The following EPHB2 variants were observed in gnomAD, a reference collection of about 807,000 sequenced individuals.
EPHB2 encodes the protein EPH receptor B2.
A neutral mutation model predicts 96.4 loss-of-function variants in EPHB2; 18 were observed. The ratio of observed to expected loss-of-function variants is 0.19; its 90% CI spans 0.13 to 0.28. EPHB2 has a LOEUF of 0.28. Ranked by LOEUF, EPHB2 falls within the 10% of genes least tolerant of loss-of-function variation. EPHB2 has a pLI of 1.00. For missense variants in EPHB2, 989 were observed against 1,355.4 expected (o/e 0.73, Z 4.25); for synonymous variants, 506 against 534.1 (o/e 0.95, Z 0.72).
chr1:22,727,823 A>G (rs2148347827), intron 1 of EPHB2, among the ~76,000 whole-genome samples: 1 of 144,168 alleles, frequency 6.9e-6, no homozygotes, highest in African/African-American at 2.6e-5. Context: ...TTTTTTTTTA[A>G]TGGAGATGGG....
chr1:22,828,400 C>T (rs1462826269), intron 3 of EPHB2, among the ~76,000 whole-genome samples: 4 of 152,180 alleles, frequency 2.6e-5, no homozygotes, highest in Admixed American at 6.5e-5. Context: ...CCAGCCGTGC[C>T]CACCCCACCT....
At chr1:22,832,379 A>G (rs930202356) in intron 3 of EPHB2, among the ~76,000 whole-genome samples, 6 of 152,062 alleles carry the variant, frequency 3.9e-5, no homozygotes, top group Admixed American at 3.3e-4. Flanking sequence ...TAATTTTACA[A>G]TCTTGACCCC....
intron 9 of EPHB2, among the ~76,000 whole-genome samples, chr1:22,902,695 G>T (rs115245415): frequency 1.3e-3 from 198 of 152,330 alleles, no homozygotes; most frequent in African/African-American, 3.9e-3. Flanking sequence ...GTCTTCCTGG[G>T]GAAAAGGGTA....
intron 5 of EPHB2, among the ~76,000 whole-genome samples, chr1:22,869,500 GTCCTGGAAGGCT>G (rs1291128612): frequency 3.9e-5 from 6 of 152,072 alleles, no homozygotes; most frequent in African/African-American, 1.4e-4. Context: ...CAAAGGGTAT[GTCCTGGAAGGCT>G]TCCTGGAAGA....
intron 3 of EPHB2, among the ~76,000 whole-genome samples, chr1:22,828,439 G>T (rs1400584270): frequency 1.3e-5 from 2 of 152,190 alleles, no homozygotes; most frequent in African/African-American, 4.8e-5. Flanking sequence ...TTCTACATCT[G>T]CACGGATGAG....
chr1:22,911,342 C>G (rs894471473), intron 14 of EPHB2, among the ~76,000 whole-genome samples: 12 of 152,172 alleles, frequency 7.9e-5, no homozygotes, highest in Middle Eastern at 6.8e-3. Flanking sequence ...CAGATGAACA[C>G]ACAATTAGGC....
At chr1:22,837,321 G>A (rs548565074) in intron 3 of EPHB2, among the ~76,000 whole-genome samples, 1 of 152,258 alleles carries the variant, frequency 6.6e-6, no homozygotes. Flanking sequence ...AGACTTACTA[G>A]TATGACTCCC....
chr1:22,736,520 G>A (rs777415405), intron 1 of EPHB2, among the ~76,000 whole-genome samples: 14 of 152,228 alleles, frequency 9.2e-5, no homozygotes, highest in Non-Finnish European at 1.6e-4. Flanking sequence ...GCCAAAGCAT[G>A]GTTCCCTGGG....
rs138282909 is a variant in EPHB2, at chr1:22,713,971, C to T, written c.61+2928C>T. ...GCAGGATGGAAGAGCACTGGGGAAA[C>T]GTCCAACAGGACAGGAGGCCGGTGG... On this transcript the variant is annotated intron_variant, in intron 1 of 15. Transcript: ENST00000374630. 9.3e-3 allele frequency among the ~76,000 whole-genome samples: 1,424 copies of T among 152,318 alleles called. 25 individuals are homozygous for T. The highest frequency in any genetic ancestry group is 0.032 in the African/African-American group (1,335 of 41,550).
At chr1:22,739,409 G>T (rs10753542) in intron 1 of EPHB2, among the ~76,000 whole-genome samples, 152,235 of 152,236 alleles carry the variant, frequency 1, 76,117 homozygotes, top group Non-Finnish European at 1. Flanking sequence ...AGAGATGGGG[G>T]TTCACCTTGT....
At chr1:22,750,667 C>G (rs979913875) in intron 1 of EPHB2, among the ~76,000 whole-genome samples, 1 of 152,210 alleles carries the variant, frequency 6.6e-6, no homozygotes, top group Non-Finnish European at 1.5e-5. Context: ...TGCTAGGGAG[C>G]TGGAATGCCA....
rs377491219 is a variant in EPHB2, at chr1:22,857,455, C to T, written c.812-5582C>T. ...AAGGGCATTCGGGCAAAGGGACCAG[C>T]ATATGTGGCCCGATGTCCAGGGAGC... On this transcript the variant is annotated intron_variant, in intron 3 of 15. Transcript: ENST00000374630. Among the ~76,000 whole-genome samples, 5 of 152,030 alleles carry T rather than the reference C, an allele frequency of 3.3e-5. No individual in the cohort carries two copies. The East Asian group carries it at 7.7e-4, about 23-fold the overall frequency.
chr1:22,740,763 C>T (rs1397809763), intron 1 of EPHB2, among the ~76,000 whole-genome samples: 3 of 152,018 alleles, frequency 2.0e-5, no homozygotes, highest in African/African-American at 4.8e-5. Flanking sequence ...CAGAGCCCCA[C>T]CCTTCTTCAG....
intron 3 of EPHB2, among the ~76,000 whole-genome samples, chr1:22,831,022 GA>G (rs1168389720): frequency 6.6e-6 from 1 of 152,240 alleles, no homozygotes; most frequent in Non-Finnish European, 1.5e-5. Context: ...GATGAAGGAA[GA>G]GGGGTAATGC....
intron 3 of EPHB2, among the ~76,000 whole-genome samples, chr1:22,793,744 T>A (rs897289873): frequency 6.6e-6 from 1 of 152,160 alleles, no homozygotes; most frequent in Non-Finnish European, 1.5e-5. Flanking sequence ...GTATATGCTA[T>A]GCTTCCATTA....
chr1:22,752,102 G>A (rs12085654), intron 1 of EPHB2, among the ~76,000 whole-genome samples: 8,433 of 152,294 alleles, frequency 0.055, 773 homozygotes, highest in African/African-American at 0.19. Context: ...CAGGGTTATT[G>A]TGAAACTTAA....
rs571009170 is a variant in EPHB2, at chr1:22,784,992, G to A, written c.727G>A (p.Gly243Arg). Residue 243 changes from glycine (G) to arginine (R), a missense_variant, in exon 3 of 16, where the codon GGG becomes AGG. Gly to Arg is a moderately radical substitution (Grantham distance 125). Transcript: ENST00000374630. This position sits in a 1 kb window ranked among gnomAD's most constrained non-coding sequence, Gnocchi z 5.1. Reference sequence around the variant, plus strand: ...TGTACCCATCAAGCTCTACTGTAACGGGGACGGCGAGTGGCTGGTGCCCAT... The same window carrying A: ...TGTACCCATCAAGCTCTACTGTAACAGGGACGGCGAGTGGCTGGTGCCCAT... ...VDVPIKLYCN[G>R]DGEWLVPIGR... 1.3e-5 allele frequency: 21 copies of A among 1,614,044 alleles called. No individual in the cohort carries two copies. Among genetic ancestry groups the A allele is most frequent in the Middle Eastern group, 1.6e-4 (1 of 6,062 alleles).
At chr1:22,883,028 C>T (rs1373011905) in intron 6 of EPHB2, among the ~76,000 whole-genome samples, 1 of 152,186 alleles carries the variant, frequency 6.6e-6, no homozygotes, top group Admixed American at 6.5e-5. Flanking sequence ...GTGGAAGCCC[C>T]TGGGATGGTA....
At chr1:22,715,983 G>A (rs980807113) in intron 1 of EPHB2, among the ~76,000 whole-genome samples, 7 of 152,146 alleles carry the variant, frequency 4.6e-5, no homozygotes, top group South Asian at 2.1e-4. Flanking sequence ...TGATGGCGAC[G>A]TGGCCCCCTT....
Sources: allele counts gnomAD v4.1 joint callset (sites outside exome capture counted in the v4.1 genomes callset), GRCh38; gene constraint gnomAD v4.1.1; non-coding constraint Gnocchi (gnomAD v3.1); transcripts MANE v1.5; gene names NCBI Gene and HGNC (gene_info 2026-07-23, HGNC 2026-07-21).